PRKG1: variants seen among roughly 807,000 people sequenced by gnomAD.
PRKG1 encodes cGMP-dependent protein kinase 1.
A neutral mutation model predicts 88.1 loss-of-function variants in PRKG1; 35 were observed. The observed-to-expected ratio is 0.40, with a 90% CI of 0.30 to 0.53. The LOEUF (loss-of-function observed/expected upper bound fraction) is 0.53, where lower values mean the gene tolerates loss of function less well. Among genes scored for constraint, PRKG1 ranks in the 20% least tolerant of loss-of-function variants. The pLI, the probability that PRKG1 is intolerant of heterozygous loss-of-function variation, is 0.59. For missense variants in PRKG1, 540 were observed against 839.8 expected (o/e 0.64, Z 4.41); for synonymous variants, 303 against 292.5 (o/e 1.04, Z -0.37).
chr10:52,237,975 T>C (rs1840735372), intron 9 of PRKG1, among the ~76,000 whole-genome samples: 1 of 127,078 alleles, frequency 7.9e-6, no homozygotes, highest in Non-Finnish European at 1.6e-5. Context: ...AACAGAGATA[T>C]AGATCAATGG....
intron 4 of PRKG1, among the ~76,000 whole-genome samples, chr10:51,900,571 T>C (rs1416730724): frequency 6.6e-6 from 1 of 152,224 alleles, no homozygotes; most frequent in Non-Finnish European, 1.5e-5. Flanking sequence ...ATTTCTTAAC[T>C]ACTGATCTTA....
At chr10:51,643,893 A>G (rs968733214) in intron 3 of PRKG1, among the ~76,000 whole-genome samples, 4 of 152,150 alleles carry the variant, frequency 2.6e-5, no homozygotes, top group Non-Finnish European at 2.9e-5. Flanking sequence ...CCCAGCATCA[A>G]CACCATTAAC....
At chr10:51,077,926 T>C (rs906221608) in intron 1 of PRKG1, among the ~76,000 whole-genome samples, 3 of 152,240 alleles carry the variant, frequency 2.0e-5, no homozygotes, top group African/African-American at 7.2e-5. Flanking sequence ...TGAGATCAGA[T>C]AGCCTGTTGA....
chr10:51,379,465 T>C (rs1842877561), intron 2 of PRKG1, among the ~76,000 whole-genome samples: 1 of 152,242 alleles, frequency 6.6e-6, no homozygotes. Flanking sequence ...GCTGTGGTCA[T>C]TATCTTTAAT....
chr10:51,881,956 G>A (rs1841449606), intron 4 of PRKG1, among the ~76,000 whole-genome samples: 1 of 152,100 alleles, frequency 6.6e-6, no homozygotes, highest in Admixed American at 6.5e-5. Context: ...CCACCATGCT[G>A]CTGCATGACC....
intron 4 of PRKG1, among the ~76,000 whole-genome samples, chr10:51,845,587 A>G (rs1298734579): frequency 6.6e-6 from 1 of 152,206 alleles, no homozygotes; most frequent in African/African-American, 2.4e-5. Flanking sequence ...TGGCATACAA[A>G]TAAGTACCAA....
chr10:52,183,247 G>A (rs143233151), intron 9 of PRKG1, among the ~76,000 whole-genome samples: 6 of 152,308 alleles, frequency 3.9e-5, no homozygotes, highest in East Asian at 3.9e-4. Flanking sequence ...GGCAGCCCAC[G>A]GGCTGTTTCC....
chr10:51,575,827 T>C (rs1247195337), intron 3 of PRKG1, among the ~76,000 whole-genome samples: 3 of 151,880 alleles, frequency 2.0e-5, no homozygotes, highest in Non-Finnish European at 4.4e-5. Context: ...TCACTAGTCA[T>C]AAGAACAATT....
intron 10 of PRKG1, among the ~76,000 whole-genome samples, chr10:52,264,036 G>A (rs1449989980): frequency 6.6e-6 from 1 of 151,850 alleles, no homozygotes; most frequent in Admixed American, 6.6e-5. Context: ...CTTTTTTCCT[G>A]TTGAATTTTA....
At chr10:51,867,508 G>C (rs1564683836) in intron 4 of PRKG1, among the ~76,000 whole-genome samples, 1 of 152,118 alleles carries the variant, frequency 6.6e-6, no homozygotes, top group African/African-American at 2.4e-5. Context: ...GTGGAAAATG[G>C]AAATACACAG....
At chr10:51,115,729 C>T (rs1320474212) in intron 1 of PRKG1, among the ~76,000 whole-genome samples, 3 of 149,586 alleles carry the variant, frequency 2.0e-5, no homozygotes, top group South Asian at 2.1e-4. Flanking sequence ...CCCAGCTATT[C>T]GGGACGCTGA....
chr10:51,969,833 C>A (rs980733358), intron 5 of PRKG1, among the ~76,000 whole-genome samples: 1 of 151,802 alleles, frequency 6.6e-6, no homozygotes, highest in East Asian at 1.9e-4. Context: ...AAATTAGCAC[C>A]ATTTCTTTTT....
chr10:51,759,467 A>G lies in PRKG1; in HGVS notation c.593-45118A>G, dbSNP rs567925214. Among the ~76,000 whole-genome samples the G allele has an allele frequency of 3.9e-5, 6 of 152,170 alleles. No homozygotes were observed. The South Asian group carries it at 1.0e-3, about 26-fold the overall frequency. On this transcript the variant is annotated intron_variant, in intron 3 of 17. Coordinates refer to ENST00000373980, the MANE Select transcript of PRKG1 (RefSeq NM_006258.4). Reference sequence around the variant, plus strand: ...TTTTTAGCAGAGATGGGGTTTCACCATGTTGGCCAGGTTGGTCTCAAACTC... The same window carrying G: ...TTTTTAGCAGAGATGGGGTTTCACCGTGTTGGCCAGGTTGGTCTCAAACTC...
intron 3 of PRKG1, among the ~76,000 whole-genome samples, chr10:51,669,109 A>G (rs2132344380): frequency 6.6e-6 from 1 of 152,358 alleles, no homozygotes; most frequent in East Asian, 1.9e-4. Context: ...TGCCAAAGTT[A>G]AATGCCTAAA....
At chr10:52,206,171 A>AT (rs1186097612) in intron 9 of PRKG1, among the ~76,000 whole-genome samples, 7 of 152,024 alleles carry the variant, frequency 4.6e-5, no homozygotes, top group African/African-American at 7.2e-5. Flanking sequence ...GCTCTGAGAT[A>AT]TTTTTTTGTC....
At chr10:51,991,629 T>A (rs1202147961) in intron 5 of PRKG1, among the ~76,000 whole-genome samples, 1 of 152,136 alleles carries the variant, frequency 6.6e-6, no homozygotes, top group Non-Finnish European at 1.5e-5. Flanking sequence ...GAACATGCAG[T>A]GTTTGGTTTT....
At chr10:51,086,896 T>TTAC (rs1844266223) in intron 1 of PRKG1, among the ~76,000 whole-genome samples, 1 of 152,218 alleles carries the variant, frequency 6.6e-6, no homozygotes, top group Non-Finnish European at 1.5e-5. Context: ...TTCCTAAGGG[T>TTAC]TACTGTCAGG....
intron 2 of PRKG1, among the ~76,000 whole-genome samples, chr10:51,465,441 T>G (rs1162400355): frequency 6.6e-6 from 1 of 152,184 alleles, no homozygotes; most frequent in African/African-American, 2.4e-5. Flanking sequence ...TTTAGATCTA[T>G]TAGTATAATT....
At chr10:51,789,178 G>GT (rs1207545613) in intron 3 of PRKG1, among the ~76,000 whole-genome samples, 1 of 152,194 alleles carries the variant, frequency 6.6e-6, no homozygotes, top group Non-Finnish European at 1.5e-5. Flanking sequence ...ACTTACAGAT[G>GT]TAATACTCAT....
Sources: gnomAD v4.1 joint callset for allele counts (sites outside exome capture counted in the v4.1 genomes callset) on GRCh38, gnomAD v4.1.1 for gene constraint, MANE v1.5 for transcripts, NCBI Gene and HGNC (gene_info 2026-07-23, HGNC 2026-07-21) for gene names.